TRDMT1: variants seen among roughly 807,000 people sequenced by gnomAD.
TRDMT1 encodes the protein tRNA (cytosine(38)-C(5))-methyltransferase.
In TRDMT1, 49 loss-of-function variants were observed where a neutral mutation model predicts 51.2. That is an observed-to-expected ratio of 0.96 (90% confidence interval 0.76 to 1.21). TRDMT1 has a LOEUF of 1.21. Ranked by LOEUF, TRDMT1 falls within the 50% of genes most tolerant of loss-of-function variation. The pLI is 0.00. For missense variants in TRDMT1, 534 were observed against 462.3 expected, an observed-to-expected ratio of 1.16 and a Z score of -1.42; for synonymous variants, 187 against 164.6, an observed-to-expected ratio of 1.14 and a Z score of -1.04.
intron 2 of TRDMT1, among the ~76,000 whole-genome samples, chr10:17,172,772 A>C (rs913445770): frequency 2.6e-5 from 4 of 152,212 alleles, no homozygotes; most frequent in Admixed American, 1.3e-4. Flanking sequence ...TATTTAATCC[A>C]AAAAACAGTA....
chr10:17,160,085 T>C (rs1230980470), intron 6 of TRDMT1, among the ~76,000 whole-genome samples: 1 of 152,156 alleles, frequency 6.6e-6, no homozygotes, highest in South Asian at 2.1e-4. Flanking sequence ...ATATAGTCTC[T>C]CTTTCAAGCT....
At position 17,153,052 on chromosome 10, in the gene TRDMT1, T is replaced by A. The variant is rs74395868; in HGVS notation, c.1075+455A>T. On this transcript the variant is annotated intron_variant, in intron 10 of 10. Transcript: ENST00000377799. ...GGCACACAGCTGACACAGGTGTATC[T>A]CTGAGGAGAATAAATACCAATACAC... The A allele has an allele frequency of 1.6e-4, 28 of 174,830 alleles. No individual in the cohort carries two copies. In the East Asian group the frequency reaches 4.2e-3, roughly 26 times the overall value. The allele number at this position is 174,830 out of a possible 1,614,324, so 10.8% of individuals were successfully genotyped here. A position where few individuals can be genotyped will look rare whatever the true frequency, so the allele number is the denominator to read the frequency against.
intron 1 of TRDMT1, among the ~76,000 whole-genome samples, chr10:17,201,041 T>C (rs1315437521): frequency 6.6e-6 from 1 of 152,200 alleles, no homozygotes; most frequent in Non-Finnish European, 1.5e-5. Context: ...TTTCCAACGA[T>C]CAGACGTCCA....
chr10:17,153,317 A>C, intron 10 of TRDMT1, 190 bp downstream of exon 10: 1 of 628,816 alleles, frequency 1.6e-6, no homozygotes, highest in Non-Finnish European at 2.7e-6. Flanking sequence ...GGGGAGAATG[A>C]GTCAGTAGAG....
At chr10:17,198,238 G>T (rs1363342384) in intron 1 of TRDMT1, among the ~76,000 whole-genome samples, 1 of 152,188 alleles carries the variant, frequency 6.6e-6, no homozygotes, top group Non-Finnish European at 1.5e-5. Flanking sequence ...GCGGAAAACA[G>T]GCTGGTGGTT....
At chr10:17,188,240 C>T (rs185342348) in intron 1 of TRDMT1, among the ~76,000 whole-genome samples, 2 of 151,896 alleles carry the variant, frequency 1.3e-5, no homozygotes, top group Admixed American at 6.6e-5. Context: ...TCTTTAGGAT[C>T]TGTTATGAAT....
intron 10 of TRDMT1, chr10:17,150,823 G>A (rs921338524): frequency 8.1e-6 from 8 of 983,728 alleles, no homozygotes; most frequent in Middle Eastern, 5.2e-4. Flanking sequence ...AATATCTTAG[G>A]TAAGCACATT....
Position 17,148,338 on chromosome 10 carries a change from C to T in TRDMT1, c.*702G>A, listed in dbSNP as rs543333840. On this transcript the variant is annotated 3_prime_UTR_variant, in exon 11 of 11. Transcript: ENST00000377799. ...CAGAAGCTGAGAAGACAAAAACAAG[C>T]TTTGATAATAGTCAACTAAAGGAAA... The T allele has an allele frequency of 2.0e-6, 2 of 985,360 alleles. No individual in the cohort carries two copies. Among genetic ancestry groups the T allele is most frequent in the East Asian group, 2.3e-4 (2 of 8,818 alleles). The allele number at this position is 985,360 out of a possible 1,614,324, so 61.0% of individuals were successfully genotyped here.
intron 8 of TRDMT1, 84 bp from the exon 9 acceptor site, chr10:17,154,818 C>G (rs1389189355): frequency 1.7e-6 from 2 of 1,157,954 alleles, no homozygotes; most frequent in African/African-American, 3.2e-5. Context: ...ATGAATTAAT[C>G]AATCTACACA....
chr10:17,147,890 A>T lies in TRDMT1; in HGVS notation c.*1150T>A. The T allele has an allele frequency of 1.5e-6, 1 of 647,932 alleles. No individual in the cohort carries two copies. Among genetic ancestry groups the T allele is most frequent in the Non-Finnish European group, 1.9e-6 (1 of 521,922 alleles). 40.1% of individuals were successfully genotyped at this position (647,932 alleles called of 1,614,324 possible). The stretch of plus-strand genomic sequence containing the variant: ...GTTGAATTTTGTGACGAACCTCCAT[A>T]GCGTTTTCCAACAGCAGCTGAACCA... On this transcript the variant is annotated 3_prime_UTR_variant, in exon 11 of 11. Transcript: ENST00000377799.
chr10:17,166,588 C>A (rs1202999443), intron 3 of TRDMT1, among the ~76,000 whole-genome samples: 1 of 152,184 alleles, frequency 6.6e-6, no homozygotes, highest in Admixed American at 6.5e-5. Context: ...TGGTCAGTTT[C>A]CTCATACCTG....
chr10:17,140,166 A>G lies in TRDMT1; in HGVS notation c.*8874T>C, dbSNP rs1429557597. On this transcript the variant is annotated 3_prime_UTR_variant, in exon 11 of 11. Coordinates refer to ENST00000377799, the MANE Select transcript of TRDMT1 (RefSeq NM_004412.7). The stretch of plus-strand genomic sequence containing the variant: ...CAGGTTCCAGTGAGTCTCCTGCCTC[A>G]GCCTCCTGAATAGCTGAGATTACAG... Among the ~76,000 whole-genome samples, 3 of 145,422 alleles carry G rather than the reference A, an allele frequency of 2.1e-5. No homozygotes were observed. In the Admixed American group the frequency reaches 2.2e-4, roughly 10 times the overall value.
intron 8 of TRDMT1, among the ~76,000 whole-genome samples, chr10:17,155,183 C>T (rs1319290442): frequency 5.3e-5 from 8 of 152,032 alleles, no homozygotes; most frequent in African/African-American, 1.9e-4. Context: ...CACTGCACTC[C>T]AGCCTGGGCA....
intron 10 of TRDMT1, chr10:17,151,675 C>G (rs1354412410): frequency 2.1e-6 from 2 of 945,408 alleles, no homozygotes; most frequent in East Asian, 2.3e-4. Context: ...TTGAAAAATT[C>G]TATTTCACCA....
intron 1 of TRDMT1, among the ~76,000 whole-genome samples, chr10:17,185,558 C>T (rs886976577): frequency 1.3e-5 from 2 of 152,086 alleles, no homozygotes; most frequent in Non-Finnish European, 2.9e-5. Flanking sequence ...CATTACTGGG[C>T]ATATACCCAA....
At chr10:17,201,377 G>A (rs1411840662) in intron 1 of TRDMT1, 194 bp downstream of exon 1, 8 of 538,490 alleles carry the variant, frequency 1.5e-5, no homozygotes, top group Non-Finnish European at 2.2e-5. Flanking sequence ...GGCGCCAGGA[G>A]AAGGGAGTCA....
intron 1 of TRDMT1, among the ~76,000 whole-genome samples, chr10:17,200,995 T>C (rs1846077649): frequency 6.6e-6 from 1 of 152,238 alleles, no homozygotes; most frequent in African/African-American, 2.4e-5. Flanking sequence ...CTCAGTTCTC[T>C]GGCATCTAAA....
At chr10:17,167,186 G>C (rs899823330) in intron 3 of TRDMT1, among the ~76,000 whole-genome samples, 4 of 152,144 alleles carry the variant, frequency 2.6e-5, no homozygotes, top group African/African-American at 7.2e-5. Context: ...CTGGCTTGTA[G>C]GTGAACCACA....
chr10:17,195,620 A>G (rs1292847420), intron 1 of TRDMT1, among the ~76,000 whole-genome samples: 1 of 151,986 alleles, frequency 6.6e-6, no homozygotes, highest in Non-Finnish European at 1.5e-5. Flanking sequence ...AAAAAAATTT[A>G]CCCCTAACCC....
Sources: allele counts gnomAD v4.1 joint callset (sites outside exome capture counted in the v4.1 genomes callset), GRCh38; gene constraint gnomAD v4.1.1; transcripts MANE v1.5; gene names NCBI Gene and HGNC (gene_info 2026-07-23, HGNC 2026-07-21).